DYM: variants seen among roughly 807,000 people sequenced by gnomAD.
The protein encoded by DYM is dyggve-Melchior-Clausen syndrome protein.
In DYM, 78 loss-of-function variants were observed where a neutral mutation model predicts 93.1. The ratio of observed to expected loss-of-function variants is 0.84; its 90% CI spans 0.70 to 1.01. The LOEUF (loss-of-function observed/expected upper bound fraction) is 1.01, where lower values mean the gene tolerates loss of function less well. DYM is among the 50% of genes least tolerant of loss of function. The pLI is 0.00. For missense variants in DYM, 789 were observed against 845.0 expected (o/e 0.93, Z 0.82); for synonymous variants, 321 against 319.7 (o/e 1.00, Z -0.04).
intron 17 of DYM, among the ~76,000 whole-genome samples, chr18:49,084,046 TTC>T (rs2078282206): frequency 6.6e-6 from 1 of 152,176 alleles, no homozygotes; most frequent in Non-Finnish European, 1.5e-5. Context: ...TAATTTGCTT[TTC>T]TTTTTAGTTT....
chr18:49,344,213 T>G (rs1326230340), intron 6 of DYM, among the ~76,000 whole-genome samples: 1 of 152,062 alleles, frequency 6.6e-6, no homozygotes, highest in Non-Finnish European at 1.5e-5. Flanking sequence ...GAACAGCCAT[T>G]TAAGAAATAC....
chr18:49,346,802 T>A (rs973331543), intron 6 of DYM, among the ~76,000 whole-genome samples: 2 of 152,162 alleles, frequency 1.3e-5, no homozygotes, highest in African/African-American at 4.8e-5. Context: ...GAAATAAGAA[T>A]CTATATTCAT....
intron 2 of DYM, among the ~76,000 whole-genome samples, chr18:49,408,094 G>A (rs929752574): frequency 2.7e-5 from 4 of 146,800 alleles, no homozygotes; most frequent in Non-Finnish European, 4.5e-5. Flanking sequence ...ACCATAAAAA[G>A]CTATACAAAC....
intron 17 of DYM, among the ~76,000 whole-genome samples, chr18:49,067,963 A>G (rs946701502): frequency 5.3e-5 from 8 of 152,294 alleles, no homozygotes; most frequent in Non-Finnish European, 5.9e-5. Context: ...AAGGCGTTTC[A>G]TTAGTCACAA....
intron 16 of DYM, among the ~76,000 whole-genome samples, chr18:49,101,011 G>A (rs577467730): frequency 6.6e-5 from 10 of 152,286 alleles, no homozygotes; most frequent in Non-Finnish European, 1.3e-4. Flanking sequence ...AGCAAAGAAC[G>A]TGAAACAATT....
intron 2 of DYM, among the ~76,000 whole-genome samples, chr18:49,399,934 CTTTTTTTTT>C (rs1201370040): frequency 2.0e-4 from 13 of 66,136 alleles, no homozygotes; most frequent in African/African-American, 5.7e-4. Context: ...TTTTATTTTT[CTTTTTTTTT>C]TTTTTTTTTT....
chr18:49,459,924 GGGC>G, intron 1 of DYM, among the ~76,000 whole-genome samples: 1 of 145,830 alleles, frequency 6.9e-6, no homozygotes, highest in Non-Finnish European at 1.5e-5. Context: ...GGGGCGGGGG[GGGC>G]GGTGATTAAA....
intron 15 of DYM, among the ~76,000 whole-genome samples, chr18:49,138,113 T>C (rs1295418219): frequency 1.3e-5 from 2 of 152,298 alleles, no homozygotes; most frequent in Admixed American, 6.5e-5. Context: ...ATGTATGTGA[T>C]TTATATATAA....
At chr18:49,433,620 C>A (rs1568437703) in intron 1 of DYM, among the ~76,000 whole-genome samples, 1 of 152,104 alleles carries the variant, frequency 6.6e-6, no homozygotes, top group Non-Finnish European at 1.5e-5. Context: ...ATTATCCCAA[C>A]ATTTTGGGAG....
intron 14 of DYM, among the ~76,000 whole-genome samples, chr18:49,179,261 C>G (rs552817748): frequency 1.3e-5 from 2 of 152,084 alleles, no homozygotes; most frequent in Non-Finnish European, 2.9e-5. Flanking sequence ...AGCTCAGTAG[C>G]TTTGGGTTAC....
chr18:49,361,414 C>T (rs752267489), intron 6 of DYM, among the ~76,000 whole-genome samples: 7 of 152,220 alleles, frequency 4.6e-5, no homozygotes, highest in Non-Finnish European at 1.0e-4. Context: ...ACAAATAGCA[C>T]ATTTCCAATT....
At chr18:49,133,038 A>G (rs965288648) in intron 15 of DYM, among the ~76,000 whole-genome samples, 1 of 152,238 alleles carries the variant, frequency 6.6e-6, no homozygotes, top group African/African-American at 2.4e-5. Flanking sequence ...TGTCTGTTAA[A>G]TTATAATGCT....
intron 13 of DYM, among the ~76,000 whole-genome samples, chr18:49,240,709 G>C (rs2093990453): frequency 6.6e-6 from 1 of 152,120 alleles, no homozygotes; most frequent in Admixed American, 6.5e-5. Flanking sequence ...GTTCTTTCGT[G>C]TAAAAATGCT....
intron 1 of DYM, among the ~76,000 whole-genome samples, chr18:49,451,361 C>T (rs2082501755): frequency 6.6e-6 from 1 of 152,102 alleles, no homozygotes; most frequent in African/African-American, 2.4e-5. Context: ...TGTATGCTTC[C>T]CTTTAAGGAG....
At chr18:49,199,197 G>T (rs1346762306) in intron 14 of DYM, among the ~76,000 whole-genome samples, 2 of 152,128 alleles carry the variant, frequency 1.3e-5, no homozygotes, top group African/African-American at 4.8e-5. Flanking sequence ...TTGGACACAG[G>T]AAGGGGAACA....
intron 14 of DYM, among the ~76,000 whole-genome samples, chr18:49,182,296 T>C (rs144267738): frequency 5.3e-5 from 8 of 152,286 alleles, no homozygotes; most frequent in African/African-American, 1.4e-4. Context: ...GTTCTATAAA[T>C]GTCAACGAGG....
intron 13 of DYM, among the ~76,000 whole-genome samples, chr18:49,234,212 T>C (rs2093793862): frequency 6.6e-6 from 1 of 152,010 alleles, no homozygotes; most frequent in African/African-American, 2.4e-5. Flanking sequence ...CTCAACACTT[T>C]GGGAGGTCGA....
intron 15 of DYM, among the ~76,000 whole-genome samples, chr18:49,146,195 T>G (rs112811982): frequency 0.01 from 1,579 of 152,010 alleles, 26 homozygotes; most frequent in African/African-American, 0.036. Context: ...AAAACCACAT[T>G]AGAAAATAGA....
chr18:49,134,646 A>G (rs1006172592), intron 15 of DYM, among the ~76,000 whole-genome samples: 12 of 152,218 alleles, frequency 7.9e-5, no homozygotes, highest in African/African-American at 2.9e-4. Context: ...GAAAATAACC[A>G]CGATGATTTC....
Sources: allele counts gnomAD v4.1 joint callset (sites outside exome capture counted in the v4.1 genomes callset), GRCh38; gene constraint gnomAD v4.1.1; transcripts MANE v1.5; gene names NCBI Gene and HGNC (gene_info 2026-07-23, HGNC 2026-07-21).